Variants in GAL observed in about 807,000 individuals in gnomAD.
GAL encodes the protein galanin peptides.
A neutral mutation model predicts 15.8 loss-of-function variants in GAL; 14 were observed. That is an observed-to-expected ratio of 0.89 (90% CI 0.59 to 1.39). The LOEUF (loss-of-function observed/expected upper bound fraction) is 1.39, where lower values mean the gene tolerates loss of function less well. Ranked by LOEUF, GAL falls within the 40% of genes most tolerant of loss-of-function variation. GAL has a pLI of 0.00. For missense variants in GAL, 176 were observed against 170.4 expected, an observed-to-expected ratio of 1.03 and a Z score of -0.18; for synonymous variants, 79 against 73.8, an observed-to-expected ratio of 1.07 and a Z score of -0.36.
rs186840614 is a variant in GAL at position 68,688,497 on chromosome 11, T to G, written c.224-352T>G. Among the ~76,000 whole-genome samples, 862 of 152,258 alleles carry G rather than the reference T, an allele frequency of 5.7e-3. 6 individuals are homozygous for G. The highest frequency in any genetic ancestry group is 0.034 in the Middle Eastern group (10 of 294). On this transcript the variant is annotated intron_variant, in intron 4 of 5. Transcript: ENST00000265643. ...TATAAAAATTAGCCAGGCGTGGTGG[T>G]GGGTGCCTGTCATCCCAGCTACTTG...
chr11:68,685,616 C>G lies in GAL; in HGVS notation c.104C>G (p.Thr35Ser). ...AAGGCCAAGGAAAAACGAGGCTGGA[C>G]CCTGAACAGCGCGGGCTACCTGCTG... ...WSPAKEKRGW[T>S]LNSAGYLLGP... Residue 35 changes from threonine to serine, a missense_variant, in exon 3 of 6, where the codon ACC becomes AGC. Physicochemically the swap from Thr to Ser is moderately conservative, Grantham distance 58. Transcript: ENST00000265643. 1.9e-6 allele frequency: 3 copies of G among 1,613,618 alleles called. No homozygotes were observed. The highest frequency in any genetic ancestry group is 2.5e-6 in the Non-Finnish European group (3 of 1,179,570).
intron 3 of GAL, 40 bp from the exon 4 acceptor site, chr11:68,687,974 C>T (rs746570997): frequency 1.5e-6 from 2 of 1,292,578 alleles, no homozygotes; most frequent in Non-Finnish European, 2.3e-6. Flanking sequence ...GCGTGCATGA[C>T]AGTCACACCC....
At chr11:68,685,795 T>C in intron 3 of GAL, 147 bp downstream of exon 3, 1 of 690,506 alleles carries the variant, frequency 1.4e-6, no homozygotes, top group South Asian at 1.6e-5. Context: ...TCTGCACACT[T>C]GATCTGTGTA....
intron 1 of GAL, 64 bp from the exon 2 acceptor site, chr11:68,684,860 C>A: frequency 9.9e-7 from 1 of 1,006,372 alleles, no homozygotes; most frequent in Non-Finnish European, 1.5e-6. Flanking sequence ...AGCCCCGGCA[C>A]TCCTTGCCTC....
chr11:68,685,049 C>A (rs759378653), intron 2 of GAL, 45 bp downstream of exon 2: 5 of 1,340,266 alleles, frequency 3.7e-6, no homozygotes, highest in African/African-American at 1.4e-5. Flanking sequence ...GACATCAGAG[C>A]CGGCCGGGCG....
At chr11:68,685,082 A>T (rs1594273640) in intron 2 of GAL, 78 bp downstream of exon 2, 5 of 951,890 alleles carry the variant, frequency 5.3e-6, no homozygotes, top group Non-Finnish European at 8.2e-6. Context: ...TGGAGGAGGC[A>T]GCCTCCGCCC....
chr11:68,686,101 G>A (rs992740528), intron 3 of GAL, among the ~76,000 whole-genome samples: 1 of 152,170 alleles, frequency 6.6e-6, no homozygotes, highest in East Asian at 1.9e-4. Flanking sequence ...CTCAAAACAA[G>A]GTTCAGGTGA....
Position 68,688,112 on chromosome 11 carries a change from C to T in GAL, c.223+12C>T, listed in dbSNP as rs1161217341. 4 of 1,569,356 alleles carry T rather than the reference C, an allele frequency of 2.5e-6. No individual in the cohort carries two copies. The highest frequency in any genetic ancestry group is 2.2e-5 in the East Asian group (1 of 44,674). On this transcript the variant is annotated intron_variant, in intron 4 of 5. Transcript: ENST00000265643. The stretch of plus-strand genomic sequence containing the variant: ...TGACATGAAACCAGGTGAGAGGACT[C>T]CTATCCCGGGCCCCGGGGCACCTCA...
Position 68,688,853 on chromosome 11 carries a change from C to T in GAL, c.228C>T (p.Ser76=). The T allele has an allele frequency of 6.6e-7, 1 of 1,515,908 alleles. No individual in the cohort carries two copies. Among genetic ancestry groups the T allele is most frequent in the Non-Finnish European group, 9.2e-7 (1 of 1,090,612 alleles). The allele number at this position is 1,515,908 out of a possible 1,614,324, so 93.9% of individuals were successfully genotyped here. A position where few individuals can be genotyped will look rare whatever the true frequency, so the allele number is the denominator to read the frequency against. The change falls in exon 5 of 6, where the codon AGC becomes AGT. Residue 76 remains serine (S), a synonymous_variant. Coordinates refer to ENST00000265643, the MANE Select transcript of GAL (RefSeq NM_015973.5). ...TGTTGATCTTTTCTCTTCTAGGAAG[C>T]TTTGACAGGTCCATACCTGAAAACA... is the stretch of plus-strand genomic sequence containing the variant. ...LRPEDDMKPG[S]FDRSIPENNI...
In GAL at chr11:68,688,120, G is replaced by C. The variant is rs754743173; in HGVS notation, c.223+20G>C. On this transcript the variant is annotated intron_variant, in intron 4 of 5. Transcript: ENST00000265643. ...AACCAGGTGAGAGGACTCCTATCCCGGGCCCCGGGGCACCTCACTTCCACC... is the reference window on the plus strand; with the variant it reads ...AACCAGGTGAGAGGACTCCTATCCCCGGCCCCGGGGCACCTCACTTCCACC... 1 of 1,496,548 alleles carries C rather than the reference G, an allele frequency of 6.7e-7. No individual in the cohort carries two copies. Among genetic ancestry groups the C allele is most frequent in the Admixed American group, 1.7e-5 (1 of 59,830 alleles). The allele number at this position is 1,496,548 out of a possible 1,614,324, so 92.7% of individuals were successfully genotyped here.
intron 3 of GAL, among the ~76,000 whole-genome samples, chr11:68,687,791 G>A (rs1310570602): frequency 6.6e-6 from 1 of 152,014 alleles, no homozygotes; most frequent in East Asian, 1.9e-4. Context: ...CCCACCCTGT[G>A]CAAACCCTCA....
chr11:68,684,559 C>T lies in GAL; in HGVS notation c.-174C>T, dbSNP rs1051680873. On this transcript the variant is annotated 5_prime_UTR_variant, in exon 1 of 6. Transcript: ENST00000265643. ...GGCGGCGGCCACACCGGGCGGCGGA[C>T]ACGTGGAGGGACCCGGCCCGCGCCT... 58 of 181,058 alleles carry T rather than the reference C, an allele frequency of 3.2e-4. No individual in the cohort carries two copies. Among genetic ancestry groups the T allele is most frequent in the African/African-American group, 1.2e-3 (50 of 42,470 alleles). 11.2% of individuals were successfully genotyped at this position (181,058 alleles called of 1,614,324 possible).
In GAL at chr11:68,684,763, C is replaced by G. The variant is rs1441347513; in HGVS notation, c.-1+31C>G. 5.7e-6 allele frequency: 3 copies of G among 523,542 alleles called. No homozygotes were observed. In the African/African-American group the frequency reaches 6.1e-5, roughly 11 times the overall value. The allele number at this position is 523,542 out of a possible 1,614,324, so 32.4% of individuals were successfully genotyped here. A position where few individuals can be genotyped will look rare whatever the true frequency, so the allele number is the denominator to read the frequency against. ...ACTGGCGCCGGGCCGACCCTGCGCC[C>G]CCGGGAGGCCTCCCCTTCGGCTTTC... On this transcript the variant is annotated intron_variant, in intron 1 of 5. Coordinates refer to ENST00000265643, the MANE Select transcript of GAL (RefSeq NM_015973.5).
At chr11:68,685,825 C>G (rs1328068696) in intron 3 of GAL, among the ~76,000 whole-genome samples, 177 bp downstream of exon 3, 1 of 152,208 alleles carries the variant, frequency 6.6e-6, no homozygotes, top group Non-Finnish European at 1.5e-5. Context: ...CCAGAAGCTT[C>G]TCCTGCCCCG....
intron 1 of GAL, 76 bp from the exon 2 acceptor site, chr11:68,684,848 G>C (rs1377339415): frequency 1.1e-6 from 1 of 872,350 alleles, no homozygotes; most frequent in Non-Finnish European, 1.8e-6. Flanking sequence ...GCTCCTCCCC[G>C]CAGCCCCGGC....
chr11:68,685,730 G>A, intron 3 of GAL, 82 bp downstream of exon 3: 1 of 959,190 alleles, frequency 1.0e-6, no homozygotes, highest in Non-Finnish European at 1.7e-6. Context: ...CCCTCCGCCT[G>A]CGGCTGGGCA....
At chr11:68,688,335 C>T (rs541492599) in intron 4 of GAL, among the ~76,000 whole-genome samples, 1 of 152,288 alleles carries the variant, frequency 6.6e-6, no homozygotes, top group East Asian at 1.9e-4. Context: ...ACCAGGGCCT[C>T]CAGAAGAGCG....
intron 3 of GAL, among the ~76,000 whole-genome samples, chr11:68,686,152 C>T (rs1162859796): frequency 2.0e-5 from 3 of 152,198 alleles, no homozygotes; most frequent in African/African-American, 7.2e-5. Context: ...TCTCCCTGTC[C>T]TGTTGTTGTC....
chr11:68,688,881 A>G lies in GAL; in HGVS notation c.256A>G (p.Ile86Val), dbSNP rs916706551. 1 of 1,573,676 alleles carries G rather than the reference A, an allele frequency of 6.4e-7. No homozygotes were observed. The highest frequency in any genetic ancestry group is 8.7e-7 in the Non-Finnish European group (1 of 1,143,168). Residue 86 changes from isoleucine to valine, a missense_variant, in exon 5 of 6, where the codon ATC becomes GTC. Coordinates refer to ENST00000265643, the MANE Select transcript of GAL (RefSeq NM_015973.5). Reference protein sequence around the residue: ...SFDRSIPENNIMRTIIEFLSF... With the variant: ...SFDRSIPENNVMRTIIEFLSF... ...TGACAGGTCCATACCTGAAAACAATATCATGCGCACAATCATTGAGTTTCT... is the reference window on the plus strand; with the variant it reads ...TGACAGGTCCATACCTGAAAACAATGTCATGCGCACAATCATTGAGTTTCT...
Sources: gnomAD v4.1 joint callset for allele counts (sites outside exome capture counted in the v4.1 genomes callset) on GRCh38, gnomAD v4.1.1 for gene constraint, MANE v1.5 for transcripts, NCBI Gene and HGNC (gene_info 2026-07-23, HGNC 2026-07-21) for gene names.